The following VPS53 variants were observed in gnomAD, a reference collection of about 807,000 sequenced individuals.
VPS53 encodes vacuolar protein sorting-associated protein 53 homolog.
In VPS53, 70 loss-of-function variants were observed where a neutral mutation model predicts 107.0. The ratio of observed to expected loss-of-function variants is 0.65; its 90% CI spans 0.54 to 0.80. The LOEUF is 0.80. VPS53 is among the 30% of genes least tolerant of loss of function. The pLI is 0.00. For missense variants in VPS53, 917 were observed against 1,049.4 expected, an observed-to-expected ratio of 0.87 and a Z score of 1.74; for synonymous variants, 409 against 393.3, an observed-to-expected ratio of 1.04 and a Z score of -0.47.
chr17:537,333 G>A, intron 17 of VPS53, 157 bp from the exon 18 acceptor site: 2 of 794,542 alleles, frequency 2.5e-6, no homozygotes, highest in Non-Finnish European at 3.9e-6. Context: ...TCGTTCTGTA[G>A]GGACTGATAC....
In VPS53 at chr17:517,482, G is replaced by A. The variant is rs756181685; in HGVS notation, c.*1646C>T. ...TTTCCAAACCTTATTCCTACTGTAC[G>A]GCTGTTACAAGTTTTATGGATTTTA... On this transcript the variant is annotated 3_prime_UTR_variant, in exon 22 of 22. Transcript: ENST00000437048. The A allele has an allele frequency of 2.2e-4, 87 of 398,498 alleles. No homozygotes were observed. Among genetic ancestry groups the A allele is most frequent in the Non-Finnish European group, 3.1e-4 (70 of 226,064 alleles). 24.7% of individuals were successfully genotyped at this position (398,498 alleles called of 1,614,324 possible).
At position 705,180 on chromosome 17, in the gene VPS53, C is replaced by T. The variant is rs1344759264; in HGVS notation, c.168+5353G>A. Among the ~76,000 whole-genome samples, 6 of 152,140 alleles carry T rather than the reference C, an allele frequency of 3.9e-5. 1 individual carries two copies. Among genetic ancestry groups the T allele is most frequent in the Admixed American group, 3.9e-4 (6 of 15,270 alleles). The stretch of plus-strand genomic sequence containing the variant: ...GGCTCACCTTACAGCCCACTCCAGC[C>T]CTACCTGCCACTGAAACCTGCTCTT... On this transcript the variant is annotated intron_variant, in intron 2 of 21. Coordinates refer to ENST00000437048, the MANE Select transcript of VPS53 (RefSeq NM_001128159.3).
intron 7 of VPS53, among the ~76,000 whole-genome samples, chr17:647,849 G>A (rs912314869): frequency 7.2e-5 from 11 of 152,312 alleles, no homozygotes; most frequent in African/African-American, 1.7e-4. Context: ...GAAGCCTGAG[G>A]ACTTCCTGGT....
intron 4 of VPS53, among the ~76,000 whole-genome samples, chr17:689,462 T>TA (rs1972702455): frequency 7.4e-6 from 1 of 135,584 alleles, no homozygotes; most frequent in Non-Finnish European, 1.5e-5. Context: ...CATGCTGGAC[T>TA]AATTTTTTTT....
chr17:589,414 C>T (rs1160574841), intron 12 of VPS53, among the ~76,000 whole-genome samples: 2 of 151,608 alleles, frequency 1.3e-5, no homozygotes, highest in Admixed American at 6.6e-5. Context: ...AATTGAATGC[C>T]CTTTTTCTTA....
intron 14 of VPS53, 27 bp from the exon 15 acceptor site, chr17:560,600 A>C (rs1473853221): frequency 1.2e-6 from 2 of 1,601,622 alleles, no homozygotes; most frequent in South Asian, 2.2e-5. Context: ...GGAACAAGTC[A>C]GCATGGAATT....
intron 17 of VPS53, among the ~76,000 whole-genome samples, chr17:541,731 G>GCACTGAAGGAATGTTTATCAAGCACCT (rs1910689221): frequency 3.5e-5 from 3 of 85,996 alleles, no homozygotes; most frequent in African/African-American, 8.4e-5. Context: ...ATCAAGCACC[G>GCACTGAAGGAATGTTTATCAAGCACCT]ACTACGCACT....
chr17:673,866 T>C (rs1235361338), intron 4 of VPS53: 5 of 152,190 alleles, frequency 3.3e-5, no homozygotes, highest in African/African-American at 4.8e-5. Context: ...CCACTGAAAA[T>C]GTGAACCAAA....
chr17:549,768 T>C (rs556103608), intron 17 of VPS53, among the ~76,000 whole-genome samples: 2 of 152,246 alleles, frequency 1.3e-5, no homozygotes, highest in Admixed American at 6.5e-5. Context: ...TCTAAGCAGA[T>C]GGACTGGCCT....
At position 586,314 on chromosome 17, in the gene VPS53, C is replaced by G. The variant is rs774083315; in HGVS notation, c.1269G>C (p.Lys423Asn). Residue 423 changes from lysine (K) to asparagine (N), a missense_variant, in exon 13 of 22, where the codon AAG (lysine) becomes AAC (asparagine). Transcript: ENST00000437048. The part of the protein sequence containing the change: ...PDNPFHGIVS[K>N]CFEPHLYVYI... Reference sequence around the variant, plus strand: ...ACACGTAGAGATGAGGCTCAAAACACTTGGAAACAATGCCATGAAATGGAT... The same window carrying G: ...ACACGTAGAGATGAGGCTCAAAACAGTTGGAAACAATGCCATGAAATGGAT... The G allele has an allele frequency of 1.9e-6, 3 of 1,614,096 alleles. No homozygotes were observed. The highest frequency in any genetic ancestry group is 1.6e-4 in the Middle Eastern group (1 of 6,062).
chr17:592,440 T>C (rs1967713788), intron 12 of VPS53, among the ~76,000 whole-genome samples: 1 of 152,216 alleles, frequency 6.6e-6, no homozygotes, highest in South Asian at 2.1e-4. Context: ...ATTATGATGT[T>C]AGCTGGTGAT....
At chr17:585,713 AG>A (rs1305144944) in intron 13 of VPS53, among the ~76,000 whole-genome samples, 2 of 152,318 alleles carry the variant, frequency 1.3e-5, no homozygotes, top group East Asian at 3.9e-4. Flanking sequence ...AAGATCAAAG[AG>A]ATCTGACAAC....
intron 4 of VPS53, among the ~76,000 whole-genome samples, chr17:694,780 C>T (rs941335891): frequency 6.6e-5 from 10 of 152,114 alleles, no homozygotes; most frequent in Non-Finnish European, 1.5e-4. Context: ...TTTGCTGTTG[C>T]TTTTGGGGAT....
intron 2 of VPS53, 68 bp from the exon 3 acceptor site, chr17:699,448 T>C (rs1234558982): frequency 2.5e-5 from 33 of 1,328,176 alleles, no homozygotes; most frequent in Non-Finnish European, 3.3e-5. Context: ...CACAGGAAAA[T>C]GATGTGCTAT....
chr17:551,458 C>T (rs1282777975), intron 17 of VPS53, among the ~76,000 whole-genome samples: 2 of 152,038 alleles, frequency 1.3e-5, no homozygotes, highest in African/African-American at 4.8e-5. Flanking sequence ...GTCTCAGCTA[C>T]TTGGGAGGCT....
At chr17:618,422 T>C (rs1310925222) in intron 11 of VPS53, among the ~76,000 whole-genome samples, 12 of 134,020 alleles carry the variant, frequency 9.0e-5, no homozygotes, top group African/African-American at 3.3e-4. Flanking sequence ...CACTAATATT[T>C]CCCGGGTAGC....
At chr17:633,860 C>T (rs1346730185) in intron 7 of VPS53, among the ~76,000 whole-genome samples, 1 of 152,214 alleles carries the variant, frequency 6.6e-6, no homozygotes, top group African/African-American at 2.4e-5. Context: ...GATGCGCACA[C>T]GAGGAGGCAG....
chr17:629,631 C>T (rs1394369632), intron 8 of VPS53, among the ~76,000 whole-genome samples: 2 of 151,798 alleles, frequency 1.3e-5, no homozygotes, highest in Admixed American at 6.6e-5. Context: ...GGCGTGGTGG[C>T]GGGTGCCTGT....
intron 13 of VPS53, among the ~76,000 whole-genome samples, chr17:573,432 T>C (rs1197401189): frequency 6.6e-6 from 1 of 152,208 alleles, no homozygotes; most frequent in Non-Finnish European, 1.5e-5. Flanking sequence ...TACTTGGCTT[T>C]TGGCTGGGGC....
Sources: gnomAD v4.1 joint callset for allele counts (sites outside exome capture counted in the v4.1 genomes callset) on GRCh38, gnomAD v4.1.1 for gene constraint, MANE v1.5 for transcripts, NCBI Gene and HGNC (gene_info 2026-07-23, HGNC 2026-07-21) for gene names.